KSR2: variants seen among roughly 807,000 people sequenced by gnomAD.
KSR2 encodes the protein kinase suppressor of ras 2.
KSR2 carries 25 observed loss-of-function variants against 107.8 expected under a neutral mutation model. The observed-to-expected ratio is 0.23, with a 90% CI of 0.17 to 0.32. The LOEUF (loss-of-function observed/expected upper bound fraction) is 0.32, where lower values mean the gene tolerates loss of function less well. Among genes scored for constraint, KSR2 ranks in the 10% least tolerant of loss-of-function variants. The pLI is 1.00. For synonymous variants in KSR2, 480 were observed against 507.0 expected (o/e 0.95, Z 0.71); for missense variants, 887 against 1,268.9 (o/e 0.70, Z 4.57).
chr12:117,844,849 C>T (rs1437222114), intron 3 of KSR2, among the ~76,000 whole-genome samples: 1 of 152,106 alleles, frequency 6.6e-6, no homozygotes, highest in Non-Finnish European at 1.5e-5. Flanking sequence ...AGAAGCTTTT[C>T]TTTTCTCAAA....
intron 5 of KSR2, among the ~76,000 whole-genome samples, chr12:117,659,492 A>G (rs141208068): frequency 6.7e-4 from 102 of 152,274 alleles, no homozygotes; most frequent in African/African-American, 2.5e-3. Context: ...TCACCATTTA[A>G]ACAAAGACAC....
chr12:117,550,129 A>G (rs139379578), intron 9 of KSR2, among the ~76,000 whole-genome samples: 2 of 152,348 alleles, frequency 1.3e-5, no homozygotes, highest in East Asian at 3.9e-4. Flanking sequence ...ATCAGAGACC[A>G]TCCAGTCCAA....
Position 117,476,586 on chromosome 12 carries a change from G to T in KSR2, c.2460C>A (p.Asp820Glu), listed in dbSNP as rs750566399. 1.2e-6 allele frequency: 2 copies of T among 1,610,914 alleles called. No individual in the cohort carries two copies. Among genetic ancestry groups the T allele is most frequent in the South Asian group, 1.1e-5 (1 of 89,940 alleles). ...SGVLQAGRRE[D>E]KLRIQNGWLC... is the part of the protein sequence containing the mutation. ...GCCAGCCATTCTGGATGCGCAGTTT[G>T]TCCTCCCGCCTGGAGAAGCAAAGCA... is the stretch of plus-strand genomic sequence containing the variant. Residue 820 changes from aspartate (D) to glutamate (E), a missense_variant, in exon 17 of 20, where the codon GAC becomes GAA. Coordinates refer to ENST00000339824, the MANE Select transcript of KSR2 (RefSeq NM_173598.6).
At chr12:117,490,840 T>C in intron 14 of KSR2, among the ~76,000 whole-genome samples, 1 of 152,248 alleles carries the variant, frequency 6.6e-6, no homozygotes, top group East Asian at 1.9e-4. Flanking sequence ...ACATATTTAT[T>C]GTGTAGCACA....
At chr12:117,649,902 G>T (rs78952623) in intron 5 of KSR2, among the ~76,000 whole-genome samples, 1 of 152,168 alleles carries the variant, frequency 6.6e-6, no homozygotes, top group East Asian at 1.9e-4. Context: ...AACTGATCTG[G>T]CCTGGGGTTG....
rs1485785647 is a variant in KSR2 at position 117,464,355 on chromosome 12, T to G, written c.*2844A>C. 1 of 152,244 alleles carries G rather than the reference T, an allele frequency of 6.6e-6. No homozygotes were observed. Among genetic ancestry groups the G allele is most frequent in the Admixed American group, 6.5e-5 (1 of 15,286 alleles). 9.4% of individuals were successfully genotyped at this position (152,244 alleles called of 1,614,324 possible). A position where few individuals can be genotyped will look rare whatever the true frequency, so the allele number is the denominator to read the frequency against. ...CTCGCTGCTGAGTCAGTGACTTATG[T>G]GTACAGGGCACCTGTGTGCAGCTGT... On this transcript the variant is annotated 3_prime_UTR_variant, in exon 20 of 20. Coordinates refer to ENST00000339824, the MANE Select transcript of KSR2 (RefSeq NM_173598.6).
intron 1 of KSR2, among the ~76,000 whole-genome samples, chr12:117,872,858 AT>A (rs1422602908): frequency 2.0e-5 from 3 of 152,194 alleles, no homozygotes; most frequent in African/African-American, 2.4e-5. Context: ...CTGTGGGCTC[AT>A]TTGTACAATA....
chr12:117,692,307 T>TA (rs1885849032), intron 4 of KSR2, among the ~76,000 whole-genome samples: 1 of 151,644 alleles, frequency 6.6e-6, no homozygotes. Flanking sequence ...TAGAAAATAA[T>TA]AAGCATTGGC....
intron 1 of KSR2, among the ~76,000 whole-genome samples, chr12:117,877,467 T>C (rs1413285176): frequency 2.0e-5 from 3 of 152,230 alleles, no homozygotes; most frequent in Non-Finnish European, 2.9e-5. Context: ...GCCCTGTGCC[T>C]ACTGCTTTGT....
At chr12:117,667,227 C>T (rs1056331426) in intron 5 of KSR2, among the ~76,000 whole-genome samples, 10 of 152,204 alleles carry the variant, frequency 6.6e-5, no homozygotes, top group African/African-American at 1.4e-4. Context: ...TGGGGACCAA[C>T]GACAACACCC....
At chr12:117,960,015 C>T (rs1380010480) in intron 1 of KSR2, among the ~76,000 whole-genome samples, 1 of 152,030 alleles carries the variant, frequency 6.6e-6, no homozygotes, top group Admixed American at 6.6e-5. Context: ...CACTGCGTCC[C>T]TCTTCATCCT....
At chr12:117,816,599 G>A (rs773162448) in intron 3 of KSR2, among the ~76,000 whole-genome samples, 7 of 152,038 alleles carry the variant, frequency 4.6e-5, no homozygotes, top group African/African-American at 7.2e-5. Flanking sequence ...CTGGACCCTA[G>A]CAGGTACAAA....
chr12:117,504,210 G>T (rs539156726), intron 14 of KSR2, among the ~76,000 whole-genome samples: 1 of 152,316 alleles, frequency 6.6e-6, no homozygotes, highest in East Asian at 1.9e-4. Context: ...TGCCCCAAAA[G>T]TTGTCATGTG....
chr12:117,690,541 G>C (rs1268699060), intron 4 of KSR2, among the ~76,000 whole-genome samples: 1 of 151,988 alleles, frequency 6.6e-6, no homozygotes, highest in African/African-American at 2.4e-5. Context: ...CTCCAGCCTG[G>C]GTGACAGAGG....
chr12:117,814,995 T>A (rs1387629953), intron 3 of KSR2, among the ~76,000 whole-genome samples: 1 of 152,122 alleles, frequency 6.6e-6, no homozygotes, highest in Non-Finnish European at 1.5e-5. Flanking sequence ...GCCAAAGGGC[T>A]CACAGAAAGG....
intron 3 of KSR2, among the ~76,000 whole-genome samples, chr12:117,818,747 A>T (rs540869036): frequency 6.6e-6 from 1 of 152,280 alleles, no homozygotes; most frequent in African/African-American, 2.4e-5. Flanking sequence ...TGATTAGGCA[A>T]ATGTCCTTGG....
intron 9 of KSR2, among the ~76,000 whole-genome samples, chr12:117,546,731 GC>G (rs1172328423): frequency 2.0e-5 from 3 of 152,060 alleles, no homozygotes; most frequent in African/African-American, 7.2e-5. Flanking sequence ...TCTTTCCTCT[GC>G]CCCATCCAAC....
chr12:117,841,776 C>G (rs1892488047), intron 3 of KSR2, among the ~76,000 whole-genome samples: 1 of 152,136 alleles, frequency 6.6e-6, no homozygotes, highest in South Asian at 2.1e-4. Flanking sequence ...TGTGTGACCA[C>G]CACCCCCCTC....
intron 5 of KSR2, among the ~76,000 whole-genome samples, chr12:117,602,563 A>G (rs1246917532): frequency 1.3e-5 from 2 of 152,232 alleles, no homozygotes; most frequent in African/African-American, 2.4e-5. Context: ...TGTAACATGT[A>G]TCAGTACTTG....
Sources: allele counts gnomAD v4.1 joint callset (sites outside exome capture counted in the v4.1 genomes callset), GRCh38; gene constraint gnomAD v4.1.1; transcripts MANE v1.5; gene names NCBI Gene and HGNC (gene_info 2026-07-23, HGNC 2026-07-21).